COG5: variants seen among roughly 807,000 people sequenced by gnomAD.
The protein encoded by COG5 is component of oligomeric golgi complex 5.
In COG5, 86 loss-of-function variants were observed where a neutral mutation model predicts 110.4. The ratio of observed to expected loss-of-function variants is 0.78; its 90% CI spans 0.65 to 0.93. COG5 has a LOEUF of 0.93. Among genes scored for constraint, COG5 ranks in the 40% least tolerant of loss-of-function variants. The pLI, the probability that COG5 is intolerant of heterozygous loss-of-function variation, is 0.00. For missense variants in COG5, 1,077 were observed against 987.0 expected, an observed-to-expected ratio of 1.09 and a Z score of -1.22; for synonymous variants, 360 against 334.6, an observed-to-expected ratio of 1.08 and a Z score of -0.83.
intron 7 of COG5, among the ~76,000 whole-genome samples, chr7:107,385,288 C>A (rs114979804): frequency 6.6e-6 from 1 of 152,160 alleles, no homozygotes; most frequent in African/African-American, 2.4e-5. Flanking sequence ...TGATTTGACT[C>A]CCAGCTTCCA....
At chr7:107,562,623 A>G (rs1285588552) in intron 1 of COG5, among the ~76,000 whole-genome samples, 1 of 152,208 alleles carries the variant, frequency 6.6e-6, no homozygotes, top group Non-Finnish European at 1.5e-5. Flanking sequence ...TCTGCCTTGT[A>G]TCTAAAGTTT....
intron 5 of COG5, among the ~76,000 whole-genome samples, chr7:107,546,677 C>A: frequency 6.6e-6 from 1 of 151,144 alleles, no homozygotes. Flanking sequence ...AATCTCAAAA[C>A]CAGAAATGAA....
chr7:107,523,872 G>A (rs1800528638), intron 6 of COG5, among the ~76,000 whole-genome samples: 1 of 151,510 alleles, frequency 6.6e-6, no homozygotes, highest in Admixed American at 6.6e-5. Context: ...AAATAATCTT[G>A]GCAATTTTTT....
chr7:107,210,350 A>G (rs1046991940), intron 21 of COG5, 176 bp downstream of exon 21: 7 of 1,436,172 alleles, frequency 4.9e-6, no homozygotes, highest in South Asian at 3.0e-5. Context: ...TGTTGTGGCC[A>G]ACATTTCCAA....
chr7:107,507,564 C>T (rs1344973394), intron 6 of COG5, among the ~76,000 whole-genome samples: 1 of 151,414 alleles, frequency 6.6e-6, no homozygotes, highest in Non-Finnish European at 1.5e-5. Flanking sequence ...GCCTCAGCCT[C>T]CCGAAGTGCT....
At chr7:107,408,006 T>C (rs1421791233) in intron 7 of COG5, among the ~76,000 whole-genome samples, 1 of 152,142 alleles carries the variant, frequency 6.6e-6, no homozygotes, top group African/African-American at 2.4e-5. Context: ...GGAAGCAGTA[T>C]GAGTATTAAA....
At chr7:107,249,699 TGTGTG>T (rs1359191852) in intron 16 of COG5, among the ~76,000 whole-genome samples, 1 of 104,680 alleles carries the variant, frequency 9.6e-6, no homozygotes, top group African/African-American at 7.8e-5. Context: ...ATTGTGTGTG[TGTGTG>T]TGTGTGTGTG....
Position 107,418,757 on chromosome 7 carries a change from A to T in COG5, c.539-6125T>A, listed in dbSNP as rs1041601427. Among the ~76,000 whole-genome samples, 15 of 151,248 alleles carry T rather than the reference A, an allele frequency of 9.9e-5. No individual in the cohort carries two copies. The East Asian group carries it at 1.6e-3, about 16-fold the overall frequency. On this transcript the variant is annotated intron_variant, in intron 6 of 21. Transcript: ENST00000297135. ...TGGATGCAAATAGTGTTTTATTTTT[A>T]TTTATTTGTATTTTAGTTTAGTTTT...
intron 6 of COG5, among the ~76,000 whole-genome samples, chr7:107,491,158 A>C (rs1797952409): frequency 6.6e-6 from 1 of 152,128 alleles, no homozygotes; most frequent in Non-Finnish European, 1.5e-5. Context: ...AACTTCATCA[A>C]AAACAACAGC....
chr7:107,428,033 G>T (rs1793768421), intron 6 of COG5, among the ~76,000 whole-genome samples: 1 of 152,068 alleles, frequency 6.6e-6, no homozygotes, highest in African/African-American at 2.4e-5. Context: ...TACAACCAAG[G>T]CACCACTCAA....
intron 19 of COG5, among the ~76,000 whole-genome samples, chr7:107,228,888 C>A (rs1020066611): frequency 6.6e-6 from 1 of 151,964 alleles, no homozygotes; most frequent in African/African-American, 2.4e-5. Context: ...CCAGAAGTTT[C>A]TACTACCAAA....
chr7:107,349,083 T>C (rs1327161480), intron 10 of COG5, among the ~76,000 whole-genome samples: 2 of 152,198 alleles, frequency 1.3e-5, no homozygotes, highest in Non-Finnish European at 2.9e-5. Context: ...TGTTAATATA[T>C]AAAAGTACAA....
chr7:107,298,447 C>A lies in COG5; in HGVS notation c.1109-101G>T. ...GTTCCAAATAACCCATACTATAGGG[C>A]AAACCAAAGACGTGTTCTAATGAGG... On this transcript the variant is annotated intron_variant, in intron 11 of 21. Transcript: ENST00000297135. The A allele has an allele frequency of 4.5e-6, 4 of 884,522 alleles. No individual in the cohort carries two copies. In the East Asian group the frequency reaches 8.0e-5, roughly 18 times the overall value. The allele number at this position is 884,522 out of a possible 1,614,324, so 54.8% of individuals were successfully genotyped here.
chr7:107,390,137 C>T (rs1030777817), intron 7 of COG5, among the ~76,000 whole-genome samples: 1 of 152,138 alleles, frequency 6.6e-6, no homozygotes, highest in African/African-American at 2.4e-5. Context: ...CAATTTGACA[C>T]GTGATTGGCA....
chr7:107,506,998 C>T (rs532701991), intron 6 of COG5, among the ~76,000 whole-genome samples: 139 of 152,332 alleles, frequency 9.1e-4, no homozygotes, highest in African/African-American at 3.2e-3. Context: ...TGGGAAAGCA[C>T]GCAAGGCTGC....
At chr7:107,332,962 G>C (rs886679965) in intron 10 of COG5, among the ~76,000 whole-genome samples, 5 of 152,144 alleles carry the variant, frequency 3.3e-5, no homozygotes, top group African/African-American at 1.2e-4. Context: ...GAGGCAAAAG[G>C]GGGAGGTAAG....
At chr7:107,521,821 A>T (rs1300517273) in intron 6 of COG5, among the ~76,000 whole-genome samples, 2 of 152,226 alleles carry the variant, frequency 1.3e-5, no homozygotes, top group Admixed American at 1.3e-4. Flanking sequence ...TACTGTAAAG[A>T]CACATGCACA....
chr7:107,455,239 A>G (rs761337887), intron 6 of COG5, among the ~76,000 whole-genome samples: 3 of 152,216 alleles, frequency 2.0e-5, no homozygotes, highest in Non-Finnish European at 2.9e-5. Context: ...AACTAGAACA[A>G]CGTGTGAATG....
intron 11 of COG5, among the ~76,000 whole-genome samples, chr7:107,311,113 T>C (rs1808194724): frequency 6.6e-6 from 1 of 152,198 alleles, no homozygotes; most frequent in South Asian, 2.1e-4. Flanking sequence ...CCAGTGCATC[T>C]ATGCGATAGA....
Sources: allele counts gnomAD v4.1 joint callset (sites outside exome capture counted in the v4.1 genomes callset), GRCh38; gene constraint gnomAD v4.1.1; transcripts MANE v1.5; gene names NCBI Gene and HGNC (gene_info 2026-07-23, HGNC 2026-07-21).